DNAH14: variants seen among roughly 807,000 people sequenced by gnomAD.
The protein encoded by DNAH14 is axonemal beta dynein heavy chain 14.
Under a neutral mutation model 520.9 loss-of-function variants are expected in DNAH14, and 478 were observed. The ratio of observed to expected loss-of-function variants is 0.92; its 90% CI spans 0.85 to 0.99. The LOEUF is 0.99. Among genes scored for constraint, DNAH14 ranks in the 50% least tolerant of loss-of-function variants. DNAH14 has a pLI of 0.00. For missense variants in DNAH14, 4,831 were observed against 5,234.5 expected (o/e 0.92, Z 2.38); for synonymous variants, 1,581 against 1,757.2 (o/e 0.90, Z 2.51).
intron 12 of DNAH14, among the ~76,000 whole-genome samples, chr1:225,040,231 G>A (rs999622430): frequency 2.0e-5 from 3 of 152,014 alleles, no homozygotes; most frequent in South Asian, 2.1e-4. Context: ...GAGCCACTGC[G>A]CCCGGCCATA....
intron 61 of DNAH14, among the ~76,000 whole-genome samples, chr1:225,319,809 G>A (rs1434765401): frequency 6.6e-6 from 1 of 152,120 alleles, no homozygotes; most frequent in Non-Finnish European, 1.5e-5. Context: ...AATGAAATTT[G>A]GAAGTAAGCT....
intron 54 of DNAH14, 101 bp from the exon 55 acceptor site, chr1:225,289,784 T>G: frequency 1.2e-6 from 1 of 817,894 alleles, no homozygotes; most frequent in East Asian, 3.3e-5. Context: ...TCTGGGGTAT[T>G]TTTACATCAA....
chr1:225,077,386 TG>T (rs1440168558), intron 17 of DNAH14, among the ~76,000 whole-genome samples: 27 of 152,346 alleles, frequency 1.8e-4, no homozygotes, highest in Middle Eastern at 6.8e-3. Context: ...GGTATCAATA[TG>T]TTACTAGTGT....
At chr1:225,352,489 A>G (rs993391541) in intron 72 of DNAH14, among the ~76,000 whole-genome samples, 2 of 152,174 alleles carry the variant, frequency 1.3e-5, no homozygotes, top group Admixed American at 6.5e-5. Context: ...ATAAATAATC[A>G]GAAGTGGAAT....
chr1:225,274,361 C>T (rs1190251237), intron 52 of DNAH14, among the ~76,000 whole-genome samples: 1 of 151,810 alleles, frequency 6.6e-6, no homozygotes, highest in Non-Finnish European at 1.5e-5. Context: ...CCCGCCACTG[C>T]GCCCGGCTAA....
At chr1:225,268,544 T>C (rs1291304036) in intron 49 of DNAH14, among the ~76,000 whole-genome samples, 2 of 152,236 alleles carry the variant, frequency 1.3e-5, no homozygotes, top group African/African-American at 4.8e-5. Flanking sequence ...AAATTGTCCT[T>C]GTTTGCAGAT....
intron 9 of DNAH14, among the ~76,000 whole-genome samples, chr1:225,004,126 A>T (rs1456736002): frequency 6.6e-6 from 1 of 152,128 alleles, no homozygotes; most frequent in Non-Finnish European, 1.5e-5. Flanking sequence ...TTTATTATCT[A>T]TTATATGCGA....
intron 20 of DNAH14, among the ~76,000 whole-genome samples, chr1:225,083,494 G>A (rs538007060): frequency 6.6e-6 from 1 of 152,162 alleles, no homozygotes; most frequent in South Asian, 2.1e-4. Context: ...ATTCACATAT[G>A]TAATCTCCTA....
At chr1:224,982,794 A>T (rs1347574189) in intron 8 of DNAH14, among the ~76,000 whole-genome samples, 2 of 152,156 alleles carry the variant, frequency 1.3e-5, no homozygotes, top group Non-Finnish European at 2.9e-5. Context: ...TTCCAGTTTT[A>T]TTCCACTGTG....
In DNAH14 at chr1:225,207,044, G is replaced by C. The variant is rs1272171616; in HGVS notation, c.6263G>C (p.Gly2088Ala). 3 of 1,549,784 alleles carry C rather than the reference G, an allele frequency of 1.9e-6. No homozygotes were observed. Among genetic ancestry groups the C allele is most frequent in the Non-Finnish European group, 2.6e-6 (3 of 1,146,160 alleles). Residue 2088 changes from glycine (G) to alanine (A), a missense_variant, in exon 41 of 86, where the codon GGA becomes GCA. Transcript: ENST00000682510. ...LKTSKIISQS[G>A]VDCLEFMIKN... ...ACTTCTAAAATTATAAGTCAATCAG[G>C]AGTGGATTGTCTTGAATTCATGATT...
intron 27 of DNAH14, among the ~76,000 whole-genome samples, chr1:225,128,565 C>A (rs1323676947): frequency 3.0e-4 from 45 of 151,712 alleles, no homozygotes; most frequent in African/African-American, 1.0e-3. Context: ...AAGACAAAAA[C>A]CACATGATTA....
In DNAH14 at chr1:225,300,872, T is replaced by G; in HGVS notation, c.8473T>G (p.Ser2825Ala). 6.4e-7 allele frequency: 1 copy of G among 1,550,944 alleles called. No individual in the cohort carries two copies. The highest frequency in any genetic ancestry group is 8.7e-7 in the Non-Finnish European group (1 of 1,146,722). ...MVPNLNIEQD[S>A]FLEDLNYIIS... ...TTAAATATGTGTTTTGCCTAAGGAC[T>G]CATTTTTAGAAGATTTGAACTACAT... Residue 2825 changes from serine to alanine, a missense_variant, in exon 56 of 86, where the codon TCA becomes GCA. Ser to Ala is a moderately conservative substitution (Grantham distance 99, BLOSUM62 1). Coordinates refer to ENST00000682510, the MANE Select transcript of DNAH14 (RefSeq NM_001367479.1).
intron 78 of DNAH14, among the ~76,000 whole-genome samples, chr1:225,377,015 G>A (rs1575101972): frequency 6.6e-6 from 1 of 150,664 alleles, no homozygotes; most frequent in Non-Finnish European, 1.5e-5. Flanking sequence ...AGTTATACAT[G>A]CATATCATAT....
chr1:225,157,751 C>CT (rs1157988964), intron 34 of DNAH14, among the ~76,000 whole-genome samples: 1 of 152,064 alleles, frequency 6.6e-6, no homozygotes, highest in Non-Finnish European at 1.5e-5. Flanking sequence ...GTCTGGAACC[C>CT]TTTTTTGCTC....
Position 225,335,351 on chromosome 1 carries a change from A to G in DNAH14, c.10080+1845A>G, listed in dbSNP as rs373221127. Reference sequence around the variant, plus strand: ...TACACGTGTGTACATGTGTGTGTATATGCATATACACGTGTACATGTGTGT... The same window carrying G: ...TACACGTGTGTACATGTGTGTGTATGTGCATATACACGTGTACATGTGTGT... On this transcript the variant is annotated intron_variant, in intron 66 of 85. Coordinates refer to ENST00000682510, the MANE Select transcript of DNAH14 (RefSeq NM_001367479.1). Among the ~76,000 whole-genome samples the G allele has an allele frequency of 7.7e-5, 3 of 39,040 alleles. 1 individual carries two copies. The highest frequency in any genetic ancestry group is 1.3e-4 in the African/African-American group (1 of 7,916). 25.6% of individuals were successfully genotyped at this position (39,040 alleles called of 152,430 possible).
chr1:225,393,963 C>T (rs1353977376), intron 84 of DNAH14, among the ~76,000 whole-genome samples: 2 of 152,022 alleles, frequency 1.3e-5, no homozygotes, highest in South Asian at 2.1e-4. Context: ...GGACTACAGG[C>T]GCCCACCACC....
chr1:224,943,703 C>T (rs1255874390), intron 1 of DNAH14, among the ~76,000 whole-genome samples: 2 of 152,070 alleles, frequency 1.3e-5, no homozygotes, highest in Non-Finnish European at 2.9e-5. Context: ...TGTCTTTGTT[C>T]TCGTTGGTTT....
intron 66 of DNAH14, among the ~76,000 whole-genome samples, chr1:225,335,330 C>T (rs1348499625): frequency 4.5e-5 from 4 of 88,606 alleles, no homozygotes; most frequent in Non-Finnish European, 9.2e-5. Flanking sequence ...CACATATACA[C>T]GTGTGTACAT....
chr1:224,948,455 T>G (rs1011258831), intron 1 of DNAH14, among the ~76,000 whole-genome samples: 2 of 151,968 alleles, frequency 1.3e-5, no homozygotes, highest in African/African-American at 2.4e-5. Flanking sequence ...CCTTGTTGTA[T>G]CTTTATGTTT....
Sources: allele counts gnomAD v4.1 joint callset (sites outside exome capture counted in the v4.1 genomes callset), GRCh38; gene constraint gnomAD v4.1.1; transcripts MANE v1.5; gene names NCBI Gene and HGNC (gene_info 2026-07-23, HGNC 2026-07-21).